The following DYRK1A variants were observed in gnomAD, a reference collection of about 807,000 sequenced individuals.
DYRK1A encodes the protein dual specificity tyrosine-phosphorylation-regulated kinase 1A.
Under a neutral mutation model 79.7 loss-of-function variants are expected in DYRK1A, and 9 were observed. That is an observed-to-expected ratio of 0.11 (90% CI 0.07 to 0.20). The LOEUF (loss-of-function observed/expected upper bound fraction) is 0.20. DYRK1A is among the 10% of genes least tolerant of loss of function. DYRK1A has a pLI of 1.00. For missense variants in DYRK1A, 622 were observed against 956.0 expected (o/e 0.65, Z 4.61); for synonymous variants, 349 against 329.7 (o/e 1.06, Z -0.63).
intron 5 of DYRK1A, among the ~76,000 whole-genome samples, chr21:37,485,707 T>C (rs2052835569): frequency 1.3e-5 from 2 of 151,988 alleles, no homozygotes; most frequent in East Asian, 3.9e-4. Context: ...ACATTTTCTT[T>C]TACTTATATA....
intron 2 of DYRK1A, among the ~76,000 whole-genome samples, chr21:37,449,152 A>G (rs143671729): frequency 1.3e-5 from 2 of 152,336 alleles, no homozygotes; most frequent in Non-Finnish European, 2.9e-5. Flanking sequence ...GTTCAAGTCC[A>G]TACTGGAATA....
At position 37,518,615 on chromosome 21, in the gene DYRK1A, CT is replaced by C. The variant is rs750239891; in HGVS notation, c.*6103del. ...TATGACGGAAGTCTGAATCCAAGGA[CT>C]TTTTTTTTTTTTTTTTTTGGAGACA... On this transcript the variant is annotated 3_prime_UTR_variant, in exon 12 of 12. Transcript: ENST00000647188. 325 of 125,480 alleles carry C rather than the reference CT, an allele frequency of 2.6e-3. No homozygotes were observed. Among genetic ancestry groups the C allele is most frequent in the East Asian group, 5.2e-3 (23 of 4,456 alleles). 7.8% of individuals were successfully genotyped at this position (125,480 alleles called of 1,614,324 possible).
chr21:37,429,292 T>A (rs1014706737), intron 2 of DYRK1A, among the ~76,000 whole-genome samples: 42 of 152,208 alleles, frequency 2.8e-4, no homozygotes, highest in Non-Finnish European at 1.3e-4. Context: ...CTCTTTCCTC[T>A]CCTACTGGTG....
chr21:37,384,364 C>G (rs1052655544), intron 1 of DYRK1A, among the ~76,000 whole-genome samples: 1 of 152,044 alleles, frequency 6.6e-6, no homozygotes, highest in Non-Finnish European at 1.5e-5. Flanking sequence ...TTACAGAGGG[C>G]TGAGAATTAT....
intron 2 of DYRK1A, among the ~76,000 whole-genome samples, chr21:37,435,977 T>G (rs1370782432): frequency 1.3e-5 from 2 of 148,760 alleles, no homozygotes; most frequent in Non-Finnish European, 3.0e-5. Flanking sequence ...TACTGTCAGA[T>G]GGTAGGTTCT....
chr21:37,464,692 TAGTA>T (rs1209408164), intron 2 of DYRK1A, among the ~76,000 whole-genome samples: 1 of 152,186 alleles, frequency 6.6e-6, no homozygotes, highest in African/African-American at 2.4e-5. Flanking sequence ...ATACGGTAGA[TAGTA>T]GGTTGAACCA....
chr21:37,488,870 T>C, intron 6 of DYRK1A: 1 of 985,322 alleles, frequency 1.0e-6, no homozygotes, highest in Non-Finnish European at 1.2e-6. Context: ...TGAGGTATCA[T>C]GGAACTATGT....
intron 1 of DYRK1A, among the ~76,000 whole-genome samples, chr21:37,372,989 C>G (rs576581226): frequency 1.4e-4 from 21 of 152,212 alleles, no homozygotes; most frequent in African/African-American, 4.6e-4. Flanking sequence ...TTTAATTTCT[C>G]CATTAAATTT....
At chr21:37,413,055 G>A (rs2050272428) in intron 1 of DYRK1A, among the ~76,000 whole-genome samples, 1 of 152,190 alleles carries the variant, frequency 6.6e-6, no homozygotes, top group Admixed American at 6.5e-5. Context: ...TGGATTATTT[G>A]GAGGATAGCT....
chr21:37,499,692 A>G (rs559728106), intron 9 of DYRK1A, among the ~76,000 whole-genome samples: 94 of 152,314 alleles, frequency 6.2e-4, no homozygotes, highest in African/African-American at 1.9e-3. Flanking sequence ...AATGGCATTT[A>G]AAATGTATAA....
chr21:37,417,009 T>C (rs1358809985), intron 1 of DYRK1A, among the ~76,000 whole-genome samples: 1 of 152,182 alleles, frequency 6.6e-6, no homozygotes, highest in Non-Finnish European at 1.5e-5. Context: ...CATACTACTT[T>C]AGTTATTTTG....
intron 2 of DYRK1A, among the ~76,000 whole-genome samples, chr21:37,463,202 A>C (rs1317962782): frequency 2.8e-5 from 1 of 35,636 alleles, no homozygotes. Flanking sequence ...TAATGTTGGC[A>C]CGTGTGTGTG....
At chr21:37,455,345 T>A (rs1011620988) in intron 2 of DYRK1A, among the ~76,000 whole-genome samples, 1 of 152,174 alleles carries the variant, frequency 6.6e-6, no homozygotes, top group African/African-American at 2.4e-5. Flanking sequence ...TTCTTACTAT[T>A]TTCAATAGAA....
intron 4 of DYRK1A, among the ~76,000 whole-genome samples, chr21:37,480,214 A>G (rs2052587822): frequency 6.6e-6 from 1 of 152,192 alleles, no homozygotes. Context: ...TCCCAAATAT[A>G]AAGTTGGGAT....
chr21:37,484,931 C>A (rs2052800758), intron 5 of DYRK1A, among the ~76,000 whole-genome samples: 1 of 152,110 alleles, frequency 6.6e-6, no homozygotes, highest in African/African-American at 2.4e-5. Context: ...TGTCCCTCAC[C>A]AGAATAGTAT....
chr21:37,420,406 A>C, intron 2 of DYRK1A, 22 bp downstream of exon 2: 2 of 1,610,644 alleles, frequency 1.2e-6, no homozygotes, highest in Non-Finnish European at 1.7e-6. Flanking sequence ...TTTGAAATAC[A>C]GTAAAACTCT....
At chr21:37,397,163 A>G (rs569370432) in intron 1 of DYRK1A, among the ~76,000 whole-genome samples, 2 of 152,300 alleles carry the variant, frequency 1.3e-5, no homozygotes, top group Non-Finnish European at 2.9e-5. Context: ...CCCAGCCACA[A>G]GGGAGCCTGG....
rs75685603 is a variant in DYRK1A at position 37,427,507 on chromosome 21, C to T, written c.10+7123C>T. Among the ~76,000 whole-genome samples the T allele has an allele frequency of 1.8e-3, 279 of 152,284 alleles. 1 individual carries two copies. Among genetic ancestry groups the T allele is most frequent in the African/African-American group, 6.4e-3 (267 of 41,556 alleles). ...TATAGTACTGTTTTAAATGACTAAT[C>T]AGTATTCTGCGAATTAGTTAATGTT... On this transcript the variant is annotated intron_variant, in intron 2 of 11. Coordinates refer to ENST00000647188, the MANE Select transcript of DYRK1A (RefSeq NM_001347721.2).
chr21:37,444,053 T>G (rs1456320958), intron 2 of DYRK1A, among the ~76,000 whole-genome samples: 1 of 152,208 alleles, frequency 6.6e-6, no homozygotes, highest in Non-Finnish European at 1.5e-5. Flanking sequence ...ACACACCTCC[T>G]TCTCTCAGCT....
Sources: gnomAD v4.1 joint callset for allele counts (sites outside exome capture counted in the v4.1 genomes callset) on GRCh38, gnomAD v4.1.1 for gene constraint, MANE v1.5 for transcripts, NCBI Gene and HGNC (gene_info 2026-07-23, HGNC 2026-07-21) for gene names.